The following ADAMTS6 variants were observed in gnomAD, a reference collection of about 807,000 sequenced individuals.
ADAMTS6 encodes A disintegrin and metalloproteinase with thrombospondin motifs 6.
A neutral mutation model predicts 144.3 loss-of-function variants in ADAMTS6; 23 were observed. The observed-to-expected ratio is 0.16, with a 90% CI of 0.11 to 0.23. The LOEUF (loss-of-function observed/expected upper bound fraction) is 0.23. ADAMTS6 is among the 10% of genes least tolerant of loss of function. ADAMTS6 has a pLI of 1.00. For synonymous variants in ADAMTS6, 444 were observed against 457.5 expected, an observed-to-expected ratio of 0.97 and a Z score of 0.38; for missense variants, 999 against 1,379.6, an observed-to-expected ratio of 0.72 and a Z score of 4.37.
At chr5:65,345,855 T>C (rs1748269803) in intron 7 of ADAMTS6, among the ~76,000 whole-genome samples, 1 of 151,896 alleles carries the variant, frequency 6.6e-6, no homozygotes, top group Non-Finnish European at 1.5e-5. Context: ...TTAGGATTAA[T>C]GCAAATATCT....
intron 9 of ADAMTS6, among the ~76,000 whole-genome samples, chr5:65,308,788 C>G (rs1453961822): frequency 1.3e-5 from 2 of 152,118 alleles, no homozygotes; most frequent in African/African-American, 4.8e-5. Flanking sequence ...AATTAAAATT[C>G]TATCAGTTTT....
intron 9 of ADAMTS6, among the ~76,000 whole-genome samples, chr5:65,322,495 T>C (rs1449755967): frequency 1.3e-5 from 2 of 152,080 alleles, no homozygotes; most frequent in Non-Finnish European, 2.9e-5. Flanking sequence ...ATTCTTCCTA[T>C]CCATGATCAT....
intron 20 of ADAMTS6, among the ~76,000 whole-genome samples, chr5:65,197,656 C>T (rs1342295557): frequency 6.6e-6 from 1 of 152,030 alleles, no homozygotes; most frequent in African/African-American, 2.4e-5. Context: ...ATTTTTTCTT[C>T]CGTTTATATA....
chr5:65,372,987 C>A (rs1228027828), intron 7 of ADAMTS6, among the ~76,000 whole-genome samples: 1 of 152,216 alleles, frequency 6.6e-6, no homozygotes, highest in Non-Finnish European at 1.5e-5. Context: ...GGAAACTGAA[C>A]AAGCTTCTCC....
chr5:65,279,508 G>A (rs1450395193), intron 11 of ADAMTS6, among the ~76,000 whole-genome samples: 3 of 151,336 alleles, frequency 2.0e-5, no homozygotes, highest in Non-Finnish European at 4.4e-5. Flanking sequence ...GTAGAGACAG[G>A]GTTTCACCAC....
chr5:65,188,213 T>C lies in ADAMTS6; in HGVS notation c.2713A>G (p.Ile905Val), dbSNP rs754532509. ...NTEPCPPEWF[I>V]GDWLECSKTC... ...TTGCTGCATTCCAACCAATCCCCAA[T>C]GAACCACCTGCAGCAAGACATGGAA... The change falls in exon 22 of 25, where the codon ATT (isoleucine) becomes GTT (valine). Residue 905 changes from isoleucine to valine, a missense_variant. Transcript: ENST00000381055. The C allele has an allele frequency of 2.5e-6, 4 of 1,613,590 alleles. No individual in the cohort carries two copies. The highest frequency in any genetic ancestry group is 1.1e-5 in the South Asian group (1 of 91,088).
intron 11 of ADAMTS6, among the ~76,000 whole-genome samples, chr5:65,285,617 C>T (rs894331062): frequency 2.6e-4 from 39 of 152,162 alleles, no homozygotes; most frequent in African/African-American, 8.9e-4. Context: ...AAATATCTGC[C>T]CCCAAGGAAA....
At chr5:65,438,040 G>A (rs1757580492) in intron 7 of ADAMTS6, among the ~76,000 whole-genome samples, 1 of 152,178 alleles carries the variant, frequency 6.6e-6, no homozygotes, top group Non-Finnish European at 1.5e-5. Flanking sequence ...TTCAAAAATA[G>A]TTCCTTGACA....
chr5:65,239,141 T>G (rs1046073206), intron 15 of ADAMTS6, among the ~76,000 whole-genome samples: 2 of 151,256 alleles, frequency 1.3e-5, no homozygotes, highest in Admixed American at 6.6e-5. Context: ...GGGGGAGAGA[T>G]AGCATTAGGA....
chr5:65,431,464 T>C (rs769754737), intron 7 of ADAMTS6, among the ~76,000 whole-genome samples: 5 of 152,184 alleles, frequency 3.3e-5, no homozygotes, highest in Non-Finnish European at 5.9e-5. Flanking sequence ...AATTGTACTT[T>C]TAAGTATGTG....
intron 7 of ADAMTS6, among the ~76,000 whole-genome samples, chr5:65,385,435 G>T (rs1458816028): frequency 1.3e-5 from 2 of 151,976 alleles, no homozygotes; most frequent in African/African-American, 2.4e-5. Context: ...TTTTTAACTG[G>T]GTCTTCATGA....
At chr5:65,370,147 C>T (rs1223033384) in intron 7 of ADAMTS6, among the ~76,000 whole-genome samples, 1 of 152,260 alleles carries the variant, frequency 6.6e-6, no homozygotes, top group East Asian at 1.9e-4. Context: ...CGGTGGCTCA[C>T]GCCTGTAATC....
At chr5:65,367,843 CAT>C (rs925247881) in intron 7 of ADAMTS6, among the ~76,000 whole-genome samples, 2 of 151,076 alleles carry the variant, frequency 1.3e-5, no homozygotes, top group Non-Finnish European at 1.5e-5. Context: ...AACAGTACTA[CAT>C]ATATATATAT....
At chr5:65,260,813 T>C (rs10940023) in intron 13 of ADAMTS6, 150 bp from the exon 14 acceptor site, 149,174 of 507,196 alleles carry the variant, frequency 0.29, 23,365 homozygotes, top group Admixed American at 0.39. Context: ...ATGCTGGTGA[T>C]TGTTAGCAAT....
chr5:65,370,694 G>C (rs1392096200), intron 7 of ADAMTS6, among the ~76,000 whole-genome samples: 13 of 152,186 alleles, frequency 8.5e-5, no homozygotes. Flanking sequence ...AGCGAGGCTG[G>C]GGGAGGGGCG....
rs1283089360 is a variant in ADAMTS6, at chr5:65,438,037, A to C, written c.1073+13438T>G. ...AAGAATATTTACTCAATTTTCAAAA[A>C]TAGTTCCTTGACAATTTGAAGACTA... On this transcript the variant is annotated intron_variant, in intron 7 of 24. Transcript: ENST00000381055. 2.6e-5 allele frequency among the ~76,000 whole-genome samples: 4 copies of C among 152,364 alleles called. No homozygotes were observed. In the East Asian group the frequency reaches 7.7e-4, roughly 29 times the overall value.
At chr5:65,177,990 C>T (rs988081917) in intron 22 of ADAMTS6, among the ~76,000 whole-genome samples, 2 of 152,246 alleles carry the variant, frequency 1.3e-5, no homozygotes, top group African/African-American at 4.8e-5. Context: ...CAGCCTCCCT[C>T]TTCCAACACT....
chr5:65,184,773 G>A (rs1238416811), intron 22 of ADAMTS6, among the ~76,000 whole-genome samples: 1 of 151,908 alleles, frequency 6.6e-6, no homozygotes, highest in Non-Finnish European at 1.5e-5. Context: ...AAAGGCTGCT[G>A]ATGAGCCATT....
At chr5:65,399,191 G>C (rs1181598619) in intron 7 of ADAMTS6, among the ~76,000 whole-genome samples, 1 of 152,190 alleles carries the variant, frequency 6.6e-6, no homozygotes. Context: ...GGAAGGCAGA[G>C]GTTGCAGTGA....
Sources: gnomAD v4.1 joint callset for allele counts (sites outside exome capture counted in the v4.1 genomes callset) on GRCh38, gnomAD v4.1.1 for gene constraint, MANE v1.5 for transcripts, NCBI Gene and HGNC (gene_info 2026-07-23, HGNC 2026-07-21) for gene names.